The following MBD2 variants were observed in gnomAD, a reference collection of about 807,000 sequenced individuals.
MBD2 encodes methyl-CpG-binding domain protein 2.
A neutral mutation model predicts 39.3 loss-of-function variants in MBD2; 9 were observed. The ratio of observed to expected loss-of-function variants is 0.23; its 90% CI spans 0.14 to 0.40. The LOEUF (loss-of-function observed/expected upper bound fraction) is 0.40, where lower values mean the gene tolerates loss of function less well. Among genes scored for constraint, MBD2 ranks in the 10% least tolerant of loss-of-function variants. MBD2 has a pLI of 1.00. For synonymous variants in MBD2, 233 were observed against 211.1 expected (o/e 1.10, Z -0.90); for missense variants, 458 against 532.6 (o/e 0.86, Z 1.38).
chr18:54,220,886 G>A (rs4939751), intron 1 of MBD2, among the ~76,000 whole-genome samples: 44,661 of 152,042 alleles, frequency 0.29, 7,673 homozygotes, highest in East Asian at 0.56. Context: ...AGAATGTAAC[G>A]TTTCAGAAGA....
At chr18:54,221,352 G>A (rs1160424020) in intron 1 of MBD2, among the ~76,000 whole-genome samples, 1 of 151,886 alleles carries the variant, frequency 6.6e-6, no homozygotes, top group Admixed American at 6.6e-5. Flanking sequence ...CAGCTACTCG[G>A]GAGGCTGAGG....
intron 3 of MBD2, among the ~76,000 whole-genome samples, chr18:54,174,075 C>G (rs977661125): frequency 7.1e-4 from 108 of 152,276 alleles, no homozygotes; most frequent in African/African-American, 2.5e-3. Context: ...TAACCAGTAG[C>G]AACTGTCTGG....
intron 1 of MBD2, among the ~76,000 whole-genome samples, chr18:54,211,417 ACACACG>A (rs2086506339): frequency 6.7e-6 from 1 of 150,246 alleles, no homozygotes; most frequent in Non-Finnish European, 1.5e-5. Context: ...ACACACACGC[ACACACG>A]CAAGCACGCA....
intron 4 of MBD2, 147 bp downstream of exon 4, chr18:54,165,929 C>T (rs2086128279): frequency 1.7e-6 from 1 of 579,484 alleles, no homozygotes; most frequent in Non-Finnish European, 3.1e-6. Flanking sequence ...TTTACTAAAA[C>T]ACAAGAGGTA....
chr18:54,202,789 C>A, intron 2 of MBD2: 1 of 1,535,736 alleles, frequency 6.5e-7, no homozygotes, highest in Non-Finnish European at 8.7e-7. Context: ...AAGTACCTAC[C>A]GTGTGCAAAA....
intron 2 of MBD2, among the ~76,000 whole-genome samples, chr18:54,190,581 C>T (rs1326935810): frequency 1.3e-5 from 2 of 152,076 alleles, no homozygotes; most frequent in Non-Finnish European, 2.9e-5. Context: ...GGAGAGCTCA[C>T]GTTAATTTCA....
At chr18:54,223,081 T>C (rs1212148616) in intron 1 of MBD2, among the ~76,000 whole-genome samples, 1 of 152,254 alleles carries the variant, frequency 6.6e-6, no homozygotes, top group Admixed American at 6.5e-5. Flanking sequence ...TACAAGTTTA[T>C]ATTATCTTCT....
chr18:54,222,740 A>C (rs2086626131), intron 1 of MBD2, among the ~76,000 whole-genome samples: 1 of 152,254 alleles, frequency 6.6e-6, no homozygotes, highest in Non-Finnish European at 1.5e-5. Flanking sequence ...GGTGAAGTGA[A>C]CTTACTACAA....
intron 2 of MBD2, among the ~76,000 whole-genome samples, chr18:54,196,193 C>T (rs1396992901): frequency 6.6e-6 from 1 of 152,066 alleles, no homozygotes; most frequent in Non-Finnish European, 1.5e-5. Flanking sequence ...CCCATGATGT[C>T]TATGCAGAAA....
At chr18:54,203,714 CAG>C in intron 2 of MBD2, among the ~76,000 whole-genome samples, 1 of 152,252 alleles carries the variant, frequency 6.6e-6, no homozygotes, top group Non-Finnish European at 1.5e-5. Context: ...CCATGCCCCT[CAG>C]AAAATGTAAC....
At chr18:54,209,297 C>CAAAAA (rs34165824) in intron 1 of MBD2, among the ~76,000 whole-genome samples, 4 of 67,602 alleles carry the variant, frequency 5.9e-5, no homozygotes, top group African/African-American at 2.1e-4. Context: ...ACTCCATCTC[C>CAAAAA]AAAAAAAAAA....
intron 3 of MBD2, among the ~76,000 whole-genome samples, chr18:54,182,138 GT>G (rs1208806733): frequency 1.3e-5 from 2 of 152,122 alleles, no homozygotes; most frequent in African/African-American, 2.4e-5. Context: ...AAAGTACAAG[GT>G]GAAGGCTCAA....
chr18:54,192,943 A>C (rs545768779), intron 2 of MBD2, among the ~76,000 whole-genome samples: 2 of 152,294 alleles, frequency 1.3e-5, no homozygotes, highest in South Asian at 4.1e-4. Context: ...AATGTGCTGC[A>C]TTATTCTTCA....
intron 3 of MBD2, among the ~76,000 whole-genome samples, chr18:54,188,399 C>T (rs556845666): frequency 1.3e-5 from 2 of 152,066 alleles, no homozygotes; most frequent in Admixed American, 1.3e-4. Flanking sequence ...AGTCACAGGA[C>T]AATATACCAT....
At chr18:54,161,046 A>T (rs923983305) in intron 5 of MBD2, among the ~76,000 whole-genome samples, 7 of 152,336 alleles carry the variant, frequency 4.6e-5, no homozygotes, top group Admixed American at 4.6e-4. Context: ...AAACTGGGAC[A>T]GCAGAGAGGT....
intron 1 of MBD2, among the ~76,000 whole-genome samples, chr18:54,220,518 G>A (rs1010143208): frequency 1.8e-4 from 28 of 152,172 alleles, no homozygotes; most frequent in African/African-American, 6.5e-4. Context: ...ATAAGTGCCT[G>A]CCACACCCTA....
intron 3 of MBD2, among the ~76,000 whole-genome samples, chr18:54,181,775 A>C (rs1159902904): frequency 6.6e-6 from 1 of 152,222 alleles, no homozygotes; most frequent in Non-Finnish European, 1.5e-5. Context: ...CTGGGATTAC[A>C]GGTGTGGGCC....
intron 1 of MBD2, among the ~76,000 whole-genome samples, chr18:54,212,727 T>C (rs568462710): frequency 1.2e-3 from 181 of 149,580 alleles, no homozygotes; most frequent in African/African-American, 4.1e-3. Context: ...GCAAGTCAAT[T>C]TGAGCATTAA....
chr18:54,164,720 C>A lies in MBD2; in HGVS notation c.932-20G>T. 1 of 1,586,844 alleles carries A rather than the reference C, an allele frequency of 6.3e-7. No homozygotes were observed. Among genetic ancestry groups the A allele is most frequent in the Non-Finnish European group, 8.6e-7 (1 of 1,157,258 alleles). ...CAACTCCTGCAATGAGAAACAAGTA[C>A]TAGTTAAAGGAAATGTCTCAATGTG... On this transcript the variant is annotated intron_variant, in intron 4 of 6. Transcript: ENST00000256429.
Sources: gnomAD v4.1 joint callset for allele counts (sites outside exome capture counted in the v4.1 genomes callset) on GRCh38, gnomAD v4.1.1 for gene constraint, MANE v1.5 for transcripts, NCBI Gene and HGNC (gene_info 2026-07-23, HGNC 2026-07-21) for gene names.